DLGAP2: variants seen among roughly 807,000 people sequenced by gnomAD.
The protein encoded by DLGAP2 is DLG associated protein 2, also known as disks large-associated protein 2.
Under a neutral mutation model 100.3 loss-of-function variants are expected in DLGAP2, and 26 were observed. The ratio of observed to expected loss-of-function variants is 0.26; its 90% CI spans 0.19 to 0.36. The LOEUF (loss-of-function observed/expected upper bound fraction) is 0.36. Ranked by LOEUF, DLGAP2 falls within the 10% of genes least tolerant of loss-of-function variation. DLGAP2 has a pLI of 1.00. For synonymous variants in DLGAP2, 886 were observed against 630.1 expected (o/e 1.41, Z -6.08); for missense variants, 1,858 against 1,453.2 (o/e 1.28, Z -4.53).
chr8:1,487,195 G>A (rs568022650), intron 3 of DLGAP2, among the ~76,000 whole-genome samples: 35 of 152,334 alleles, frequency 2.3e-4, no homozygotes, highest in African/African-American at 6.7e-4. Context: ...TGATTGGTCC[G>A]TGAATAATAG....
chr8:1,656,375 A>C (rs1798285544), intron 8 of DLGAP2, among the ~76,000 whole-genome samples: 1 of 152,054 alleles, frequency 6.6e-6, no homozygotes, highest in Non-Finnish European at 1.5e-5. Context: ...AGGGCAGTCT[A>C]GAAAGGAGCC....
At chr8:1,097,443 C>G (rs549149325) in intron 2 of DLGAP2, among the ~76,000 whole-genome samples, 39 of 110,504 alleles carry the variant, frequency 3.5e-4, no homozygotes, top group Admixed American at 5.8e-4. Flanking sequence ...GTGAGACCCA[C>G]CTCCCTGTGC....
chr8:1,059,675 C>T (rs1803012045), intron 2 of DLGAP2, among the ~76,000 whole-genome samples: 2 of 152,162 alleles, frequency 1.3e-5, no homozygotes, highest in Non-Finnish European at 2.9e-5. Flanking sequence ...GGTAGATATG[C>T]TGTGGTCAGC....
intron 2 of DLGAP2, among the ~76,000 whole-genome samples, chr8:1,170,681 G>A (rs1490441665): frequency 6.9e-6 from 1 of 145,354 alleles, no homozygotes; most frequent in Non-Finnish European, 1.5e-5. Flanking sequence ...AGAGGTGTTT[G>A]TAATATTCTC....
chr8:1,368,231 T>C (rs1231507903), intron 3 of DLGAP2, among the ~76,000 whole-genome samples: 1 of 152,092 alleles, frequency 6.6e-6, no homozygotes, highest in African/African-American at 2.4e-5. Context: ...TGCAGGTGTG[T>C]ATGCATGTAT....
chr8:1,265,214 T>C (rs1799428031), intron 3 of DLGAP2, among the ~76,000 whole-genome samples: 1 of 152,004 alleles, frequency 6.6e-6, no homozygotes, highest in Non-Finnish European at 1.5e-5. Context: ...AAATAGATTT[T>C]CAAAAGAAAC....
intron 2 of DLGAP2, among the ~76,000 whole-genome samples, chr8:1,114,685 G>GT (rs1805062551): frequency 6.6e-6 from 1 of 150,458 alleles, no homozygotes; most frequent in Non-Finnish European, 1.5e-5. Flanking sequence ...ATGGTTTTTC[G>GT]TGTCTTGATT....
At chr8:1,594,195 C>T (rs774420125) in intron 6 of DLGAP2, among the ~76,000 whole-genome samples, 4 of 151,790 alleles carry the variant, frequency 2.6e-5, no homozygotes, top group Non-Finnish European at 5.9e-5. Flanking sequence ...GGCACCAGTG[C>T]GGAAAGTCAA....
rs1007301674 is a variant in DLGAP2, at chr8:1,135,928, C to T, written c.74-122923C>T. 5.3e-5 allele frequency among the ~76,000 whole-genome samples: 8 copies of T among 152,326 alleles called. No individual in the cohort carries two copies. In the East Asian group the frequency reaches 7.7e-4, roughly 15 times the overall value. On this transcript the variant is annotated intron_variant, in intron 2 of 14. Coordinates refer to ENST00000637795, the MANE Select transcript of DLGAP2 (RefSeq NM_001346810.2). ...GCAATCATTTTTCGAAGTTAAGAAA[C>T]GAGATTTAAACTGCTTTACAGTTTA...
At chr8:883,032 C>T (rs1266337933) in intron 1 of DLGAP2, among the ~76,000 whole-genome samples, 1 of 152,262 alleles carries the variant, frequency 6.6e-6, no homozygotes, top group East Asian at 1.9e-4. Flanking sequence ...TCCTCTAACA[C>T]AATCTTCCTG....
intron 2 of DLGAP2, among the ~76,000 whole-genome samples, chr8:984,663 C>T (rs1384248085): frequency 1.3e-5 from 2 of 152,200 alleles, no homozygotes; most frequent in African/African-American, 2.4e-5. Context: ...CCAGTCAATA[C>T]GCCGACCTCA....
At chr8:1,639,459 T>G (rs564974336) in intron 8 of DLGAP2, among the ~76,000 whole-genome samples, 2 of 152,184 alleles carry the variant, frequency 1.3e-5, no homozygotes, top group East Asian at 3.9e-4. Context: ...GCAGGGGTCC[T>G]GTGCCACCCC....
chr8:1,222,625 A>G (rs1191455075), intron 2 of DLGAP2, among the ~76,000 whole-genome samples: 1 of 149,212 alleles, frequency 6.7e-6, no homozygotes, highest in African/African-American at 2.5e-5. Context: ...GGAAGGCTGC[A>G]GGTGGGTGTA....
chr8:1,264,859 G>C (rs1329389384), intron 3 of DLGAP2, among the ~76,000 whole-genome samples: 4 of 152,146 alleles, frequency 2.6e-5, no homozygotes, highest in African/African-American at 9.7e-5. Flanking sequence ...AATCATGAGG[G>C]TGAGTCTTTC....
intron 1 of DLGAP2, among the ~76,000 whole-genome samples, chr8:786,109 C>G (rs1442010294): frequency 6.6e-6 from 1 of 152,210 alleles, no homozygotes; most frequent in Non-Finnish European, 1.5e-5. Context: ...TTGCGAAACA[C>G]CCATGCCTGA....
intron 5 of DLGAP2, among the ~76,000 whole-genome samples, chr8:1,554,365 C>T (rs1002782938): frequency 6.6e-6 from 1 of 152,164 alleles, no homozygotes. Context: ...TGGCCATTTG[C>T]TTCTTTCTGC....
intron 3 of DLGAP2, among the ~76,000 whole-genome samples, chr8:1,316,573 A>G (rs1800756084): frequency 1.4e-5 from 2 of 138,514 alleles, no homozygotes; most frequent in Non-Finnish European, 3.1e-5. Flanking sequence ...CGTCTCTCCA[A>G]CAGTGGTCTA....
intron 3 of DLGAP2, among the ~76,000 whole-genome samples, chr8:1,390,633 A>G (rs1796328544): frequency 6.6e-6 from 1 of 152,048 alleles, no homozygotes; most frequent in Non-Finnish European, 1.5e-5. Context: ...CTTTAACTGC[A>G]GTCCCGTCCA....
chr8:1,257,584 C>T lies in DLGAP2; in HGVS notation c.74-1267C>T, dbSNP rs1173891468. Reference sequence around the variant, plus strand: ...TCAAGGTTCAGGCCAGATGGCATTACGTGGCGTCTCCTCTGTGGGCCCCGG... The same window carrying T: ...TCAAGGTTCAGGCCAGATGGCATTATGTGGCGTCTCCTCTGTGGGCCCCGG... On this transcript the variant is annotated intron_variant, in intron 2 of 14. Coordinates refer to ENST00000637795, the MANE Select transcript of DLGAP2 (RefSeq NM_001346810.2). 5.3e-5 allele frequency among the ~76,000 whole-genome samples: 8 copies of T among 152,314 alleles called. No individual in the cohort carries two copies. The East Asian group carries it at 5.8e-4, about 11-fold the overall frequency.
Sources: allele counts gnomAD v4.1 joint callset (sites outside exome capture counted in the v4.1 genomes callset), GRCh38; gene constraint gnomAD v4.1.1; transcripts MANE v1.5; gene names NCBI Gene and HGNC (gene_info 2026-07-23, HGNC 2026-07-21).